NCALD: variants seen among roughly 807,000 people sequenced by gnomAD.
The protein encoded by NCALD is neurocalcin-delta.
Under a neutral mutation model 18.6 loss-of-function variants are expected in NCALD, and 10 were observed. The ratio of observed to expected loss-of-function variants is 0.54; its 90% CI spans 0.33 to 0.91. NCALD has a LOEUF of 0.91. Among genes scored for constraint, NCALD ranks in the 40% least tolerant of loss-of-function variants. The pLI, the probability that NCALD is intolerant of heterozygous loss-of-function variation, is 0.03. For synonymous variants in NCALD, 88 were observed against 87.4 expected (o/e 1.01, Z -0.04); for missense variants, 184 against 247.6 (o/e 0.74, Z 1.72).
At chr8:101,763,203 G>A (rs775519485) in intron 1 of NCALD, among the ~76,000 whole-genome samples, 34 of 152,194 alleles carry the variant, frequency 2.2e-4, no homozygotes, top group Non-Finnish European at 3.7e-4. Flanking sequence ...TTAGAGTAAA[G>A]GAGACCAGGA....
chr8:101,711,829 C>T (rs1252633992), intron 2 of NCALD, among the ~76,000 whole-genome samples: 1 of 152,150 alleles, frequency 6.6e-6, no homozygotes, highest in African/African-American at 2.4e-5. Flanking sequence ...GAGAATGGAA[C>T]CAAGTTGGTA....
chr8:102,044,400 G>T (rs1239873703), intron 1 of NCALD, among the ~76,000 whole-genome samples: 1 of 149,814 alleles, frequency 6.7e-6, no homozygotes, highest in Non-Finnish European at 1.5e-5. Flanking sequence ...ACTTCTACAG[G>T]CATGAGAAGG....
intron 1 of NCALD, among the ~76,000 whole-genome samples, chr8:102,117,300 C>T (rs934638025): frequency 1.3e-5 from 2 of 152,176 alleles, no homozygotes; most frequent in African/African-American, 4.8e-5. Flanking sequence ...CCAAAGCAGC[C>T]CATTCCGTGT....
At chr8:101,968,685 C>A (rs1820125204) in intron 2 of NCALD, among the ~76,000 whole-genome samples, 1 of 152,080 alleles carries the variant, frequency 6.6e-6, no homozygotes, top group East Asian at 1.9e-4. Flanking sequence ...CTTCCTGTGC[C>A]TGCCATCTAG....
At chr8:102,031,245 G>C (rs569382376) in intron 1 of NCALD, among the ~76,000 whole-genome samples, 1 of 152,274 alleles carries the variant, frequency 6.6e-6, no homozygotes, top group Non-Finnish European at 1.5e-5. Context: ...AAGTCACAAG[G>C]CTGGGTTCAT....
chr8:101,993,268 C>T (rs963404846), intron 2 of NCALD, among the ~76,000 whole-genome samples: 1 of 151,974 alleles, frequency 6.6e-6, no homozygotes, highest in Admixed American at 6.6e-5. Flanking sequence ...ATGCCGTACC[C>T]CAAATTACAA....
At chr8:101,897,545 T>C (rs1817245496) in intron 3 of NCALD, among the ~76,000 whole-genome samples, 1 of 152,154 alleles carries the variant, frequency 6.6e-6, no homozygotes, top group Non-Finnish European at 1.5e-5. Flanking sequence ...TACAGTTTGC[T>C]TAACCACTCA....
intron 3 of NCALD, among the ~76,000 whole-genome samples, chr8:101,893,950 A>T (rs1373433563): frequency 6.8e-6 from 1 of 147,024 alleles, no homozygotes. Flanking sequence ...CATTAGACAG[A>T]TCAATGAGAC....
intron 4 of NCALD, among the ~76,000 whole-genome samples, chr8:101,845,641 C>T (rs912411288): frequency 9.2e-5 from 14 of 152,146 alleles, no homozygotes; most frequent in Non-Finnish European, 1.3e-4. Context: ...TTGGGATGTC[C>T]GTCACCTCCA....
At chr8:101,898,351 T>C (rs1817287592) in intron 3 of NCALD, among the ~76,000 whole-genome samples, 1 of 152,178 alleles carries the variant, frequency 6.6e-6, no homozygotes, top group South Asian at 2.1e-4. Flanking sequence ...CAATAAGATA[T>C]CTCTTTTGCC....
rs367795370 is a variant in NCALD at position 101,742,596 on chromosome 8, T to C, written c.-19-22948A>G. Among the ~76,000 whole-genome samples the C allele has an allele frequency of 3.9e-5, 6 of 152,238 alleles. No homozygotes were observed. In the East Asian group the frequency reaches 7.7e-4, roughly 20 times the overall value. On this transcript the variant is annotated intron_variant, in intron 1 of 3. Coordinates refer to ENST00000220931, the MANE Select transcript of NCALD (RefSeq NM_032041.3). ...ATCAAATCTGAGTTGAATCCATTTT[T>C]GTTTCGTAGCAAAAAATAAAAATTT...
intron 1 of NCALD, among the ~76,000 whole-genome samples, chr8:102,056,046 T>A (rs754045036): frequency 6.6e-6 from 1 of 152,216 alleles, no homozygotes; most frequent in African/African-American, 2.4e-5. Flanking sequence ...CTTGGCACTC[T>A]TCCAGAGGTC....
intron 1 of NCALD, among the ~76,000 whole-genome samples, chr8:102,045,180 G>C (rs1420967691): frequency 4.6e-5 from 7 of 152,168 alleles, no homozygotes; most frequent in Admixed American, 4.6e-4. Context: ...CATGCTCTAT[G>C]ACAGGGTCAT....
chr8:101,952,591 C>T (rs952344886), intron 2 of NCALD, among the ~76,000 whole-genome samples: 2 of 152,190 alleles, frequency 1.3e-5, no homozygotes, highest in African/African-American at 4.8e-5. Flanking sequence ...CTGAGAGCAC[C>T]CGTGTTGTCA....
chr8:101,758,833 C>CT (rs5893584), intron 1 of NCALD, among the ~76,000 whole-genome samples: 10 of 151,954 alleles, frequency 6.6e-5, no homozygotes, highest in Admixed American at 2.6e-4. Flanking sequence ...GTGTAAAATA[C>CT]TTTTTTTTTG....
intron 2 of NCALD, among the ~76,000 whole-genome samples, chr8:101,702,246 T>C (rs1287910439): frequency 1.3e-5 from 2 of 152,002 alleles, no homozygotes; most frequent in African/African-American, 4.8e-5. Context: ...TTTTTTTTTC[T>C]TTGAGACAGG....
At chr8:102,023,015 A>G (rs951080598) in intron 1 of NCALD, among the ~76,000 whole-genome samples, 2 of 152,178 alleles carry the variant, frequency 1.3e-5, no homozygotes, top group African/African-American at 4.8e-5. Flanking sequence ...AAGTCCCATC[A>G]GCACTCTCAA....
At chr8:102,111,358 T>C (rs1825632978) in intron 1 of NCALD, among the ~76,000 whole-genome samples, 2 of 151,896 alleles carry the variant, frequency 1.3e-5, no homozygotes, top group South Asian at 2.1e-4. Flanking sequence ...ACTTCCCACA[T>C]CCCCAGCCTC....
At chr8:101,754,645 CAT>C (rs1321652969) in intron 1 of NCALD, among the ~76,000 whole-genome samples, 1 of 152,128 alleles carries the variant, frequency 6.6e-6, no homozygotes, top group Non-Finnish European at 1.5e-5. Flanking sequence ...AGGATTTCAA[CAT>C]ATGAGTTTGG....
Sources: allele counts gnomAD v4.1 joint callset (sites outside exome capture counted in the v4.1 genomes callset), GRCh38; gene constraint gnomAD v4.1.1; transcripts MANE v1.5; gene names NCBI Gene and HGNC (gene_info 2026-07-23, HGNC 2026-07-21).